Variants in KSR1 observed in about 807,000 individuals in gnomAD.
The protein encoded by KSR1 is kinase suppressor of ras 1, also known as kinase suppressor of ras.
KSR1 carries 35 observed loss-of-function variants against 92.9 expected under a neutral mutation model. The ratio of observed to expected loss-of-function variants is 0.38; its 90% CI spans 0.29 to 0.50. The LOEUF is 0.50. KSR1 is among the 20% of genes least tolerant of loss of function. The pLI is 0.94. For missense variants in KSR1, 972 were observed against 1,158.5 expected (o/e 0.84, Z 2.34); for synonymous variants, 467 against 472.6 (o/e 0.99, Z 0.15).
Position 27,623,740 on chromosome 17 carries a change from T to C in KSR1, c.*348T>C. 1 of 561,390 alleles carries C rather than the reference T, an allele frequency of 1.8e-6. No individual in the cohort carries two copies. Among genetic ancestry groups the C allele is most frequent in the Non-Finnish European group, 3.1e-6 (1 of 324,632 alleles). 34.8% of individuals were successfully genotyped at this position (561,390 alleles called of 1,614,324 possible). A position where few individuals can be genotyped will look rare whatever the true frequency, so the allele number is the denominator to read the frequency against. On this transcript the variant is annotated 3_prime_UTR_variant, in exon 21 of 21. Coordinates refer to ENST00000644974, the MANE Select transcript of KSR1 (RefSeq NM_001394583.1). ...GGATGGCGGAAATGGCCATCCCCTC[T>C]GAGGACCTTGTAGGCGGTGAGGGAC...
At chr17:27,479,871 A>G (rs564598046) in intron 1 of KSR1, among the ~76,000 whole-genome samples, 1 of 152,206 alleles carries the variant, frequency 6.6e-6, no homozygotes, top group East Asian at 1.9e-4. Flanking sequence ...CCACACAGAC[A>G]TTAGAGGGTG....
intron 1 of KSR1, among the ~76,000 whole-genome samples, chr17:27,544,823 G>A (rs2071101962): frequency 6.6e-6 from 1 of 152,234 alleles, no homozygotes; most frequent in Non-Finnish European, 1.5e-5. Context: ...GCCCCACTGT[G>A]GTTTGTCTGG....
intron 2 of KSR1, among the ~76,000 whole-genome samples, chr17:27,572,321 A>G (rs919418098): frequency 6.6e-6 from 1 of 152,150 alleles, no homozygotes; most frequent in South Asian, 2.1e-4. Flanking sequence ...TAACCCTGAG[A>G]CTTGTCGGAG....
At chr17:27,595,735 G>T (rs1477437467) in intron 9 of KSR1, among the ~76,000 whole-genome samples, 1 of 150,508 alleles carries the variant, frequency 6.6e-6, no homozygotes, top group African/African-American at 2.5e-5. Flanking sequence ...TAGTGCAGCA[G>T]CCCTCCCTTC....
chr17:27,521,434 C>T (rs1423926846), intron 1 of KSR1, among the ~76,000 whole-genome samples: 3 of 150,294 alleles, frequency 2.0e-5, no homozygotes, highest in Non-Finnish European at 4.4e-5. Context: ...AGGCAAGCCT[C>T]TTGCCTCAGC....
intron 2 of KSR1, among the ~76,000 whole-genome samples, chr17:27,575,905 G>A (rs1359943596): frequency 1.3e-5 from 2 of 152,158 alleles, no homozygotes; most frequent in African/African-American, 4.8e-5. Flanking sequence ...TCCCTACTTG[G>A]GATCTCACAA....
intron 1 of KSR1, among the ~76,000 whole-genome samples, chr17:27,478,533 C>T (rs1307800131): frequency 6.6e-6 from 1 of 152,100 alleles, no homozygotes; most frequent in Non-Finnish European, 1.5e-5. Context: ...GGGCTTTGTG[C>T]CCAGTAAGCG....
rs2074286520 is a variant in KSR1 at position 27,623,810 on chromosome 17, T to G, written c.*418T>G. The G allele has an allele frequency of 3.7e-6, 2 of 537,242 alleles. No individual in the cohort carries two copies. Among genetic ancestry groups the G allele is most frequent in the South Asian group, 2.8e-5 (1 of 35,354 alleles). The allele number at this position is 537,242 out of a possible 1,614,324, so 33.3% of individuals were successfully genotyped here. ...AGACAAACATGGTAATTGCAGCTGTTCTTGGGGTAGGGCGGGGAGCCCAGA... is the reference window on the plus strand; with the variant it reads ...AGACAAACATGGTAATTGCAGCTGTGCTTGGGGTAGGGCGGGGAGCCCAGA... On this transcript the variant is annotated 3_prime_UTR_variant, in exon 21 of 21. Transcript: ENST00000644974.
chr17:27,605,535 C>A lies in KSR1; in HGVS notation c.1716C>A (p.Arg572=). ...GGCCCTGGCGGGGCCCCATCTCTCGCAAGGCCAGCCAGACCAGCGTGTACC... is the reference window on the plus strand; with the variant it reads ...GGCCCTGGCGGGGCCCCATCTCTCGAAAGGCCAGCCAGACCAGCGTGTACC... ...SRRPWRGPIS[R]KASQTSVYLQ... Residue 572 remains arginine (R), a synonymous_variant, in exon 14 of 21, where the codon CGC becomes CGA. Coordinates refer to ENST00000644974, the MANE Select transcript of KSR1 (RefSeq NM_001394583.1). The A allele has an allele frequency of 6.3e-7, 1 of 1,595,290 alleles. No homozygotes were observed. The highest frequency in any genetic ancestry group is 8.5e-7 in the Non-Finnish European group (1 of 1,171,866).
intron 1 of KSR1, among the ~76,000 whole-genome samples, chr17:27,511,357 A>G (rs1567778862): frequency 2.6e-5 from 4 of 152,330 alleles, no homozygotes; most frequent in Admixed American, 2.6e-4. Flanking sequence ...GTGGAGAGGT[A>G]GAAGGCTGGG....
chr17:27,581,754 CT>C (rs1408127064), intron 3 of KSR1, among the ~76,000 whole-genome samples: 1 of 152,138 alleles, frequency 6.6e-6, no homozygotes, highest in Non-Finnish European at 1.5e-5. Context: ...AAGGATGGGT[CT>C]TTTTAGGCCT....
At chr17:27,610,465 G>A (rs192276279) in intron 17 of KSR1, among the ~76,000 whole-genome samples, 1 of 152,332 alleles carries the variant, frequency 6.6e-6, no homozygotes, top group African/African-American at 2.4e-5. Flanking sequence ...AGGTAATTGT[G>A]TGCAGTGCTT....
At chr17:27,468,826 G>A (rs1042371741) in intron 1 of KSR1, among the ~76,000 whole-genome samples, 3 of 152,066 alleles carry the variant, frequency 2.0e-5, no homozygotes, top group African/African-American at 4.8e-5. Context: ...GTTCTCAGAC[G>A]GCTGGGTGCT....
chr17:27,582,721 A>T lies in KSR1; in HGVS notation c.596A>T (p.Asp199Val). ...GAAAGTGGCTCAGGGCCTTCCACGG[A>T]CACCCTCTCAGCAGCCAGCCTGCCC... ...RRESGSGPST[D>V]TLSAASLPWP... Residue 199 changes from aspartate to valine, a missense_variant, in exon 4 of 21, where the codon GAC becomes GTC. Physicochemically the swap from Asp to Val is radical, Grantham distance 152. Around this residue, in one of 5 missense-constraint regions of KSR1, gnomAD observed 611 missense variants for 668.0 expected, o/e 0.91. Transcript: ENST00000644974. 1.2e-6 allele frequency: 2 copies of T among 1,613,752 alleles called. No individual in the cohort carries two copies. Among genetic ancestry groups the T allele is most frequent in the Non-Finnish European group, 1.7e-6 (2 of 1,179,808 alleles).
At chr17:27,572,891 C>CA (rs1384334821) in intron 2 of KSR1, among the ~76,000 whole-genome samples, 1 of 152,168 alleles carries the variant, frequency 6.6e-6, no homozygotes, top group Non-Finnish European at 1.5e-5. Context: ...CCTTCACAGC[C>CA]ACGCGACCGT....
At position 27,626,064 on chromosome 17, in the gene KSR1, A is replaced by G. The variant is rs1342419773; in HGVS notation, c.*2672A>G. ...CTTGAGGTCACAGAGAGGAATGGCA[A>G]GCCCTGGAAACCTGTGTTATTCTGT... On this transcript the variant is annotated 3_prime_UTR_variant, in exon 21 of 21. Coordinates refer to ENST00000644974, the MANE Select transcript of KSR1 (RefSeq NM_001394583.1). 1.3e-5 allele frequency: 2 copies of G among 152,246 alleles called. No homozygotes were observed. Among genetic ancestry groups the G allele is most frequent in the Non-Finnish European group, 2.9e-5 (2 of 68,066 alleles). The allele number at this position is 152,246 out of a possible 1,614,324, so 9.4% of individuals were successfully genotyped here. A position where few individuals can be genotyped will look rare whatever the true frequency, so the allele number is the denominator to read the frequency against.
At position 27,559,515 on chromosome 17, in the gene KSR1, T is replaced by C. The variant is rs1354035441; in HGVS notation, c.372+8807T>C. ...AGCTGAGAAACTGAAATTCGTGTTTTGTTTTATCGTAATGAATTTTAATTT... is the reference window on the plus strand; with the variant it reads ...AGCTGAGAAACTGAAATTCGTGTTTCGTTTTATCGTAATGAATTTTAATTT... On this transcript the variant is annotated intron_variant, in intron 2 of 20. Transcript: ENST00000644974. This position sits in a 1 kb window ranked among gnomAD's most constrained non-coding sequence, Gnocchi z 4.2. Among the ~76,000 whole-genome samples the C allele has an allele frequency of 6.6e-6, 1 of 152,250 alleles. No individual in the cohort carries two copies. The highest frequency in any genetic ancestry group is 1.5e-5 in the Non-Finnish European group (1 of 68,046).
chr17:27,611,451 C>T, intron 17 of KSR1, 43 bp from the exon 18 acceptor site: 1 of 1,612,864 alleles, frequency 6.2e-7, no homozygotes, highest in Non-Finnish European at 8.5e-7. Flanking sequence ...TTGAGCTGGG[C>T]ACAGCGGCCC....
intron 13 of KSR1, among the ~76,000 whole-genome samples, 154 bp downstream of exon 13, chr17:27,604,882 GATGAGGA>G (rs924444759): frequency 1.5e-4 from 23 of 152,172 alleles, no homozygotes; most frequent in African/African-American, 5.6e-4. Flanking sequence ...AGGGAAGAAC[GATGAGGA>G]ATGCAATGGA....
Sources: gnomAD v4.1 joint callset for allele counts (sites outside exome capture counted in the v4.1 genomes callset) on GRCh38, gnomAD v4.1.1 for gene constraint, gnomAD v4.1.1 regional missense constraint, Gnocchi (gnomAD v3.1) non-coding constraint, MANE v1.5 for transcripts, NCBI Gene and HGNC (gene_info 2026-07-23, HGNC 2026-07-21) for gene names.